The following SYTL2 variants were observed in gnomAD, a reference collection of about 807,000 sequenced individuals.
SYTL2 encodes synaptotagmin-like protein 2.
SYTL2 carries 165 observed loss-of-function variants against 198.7 expected under a neutral mutation model. The ratio of observed to expected loss-of-function variants is 0.83; its 90% CI spans 0.73 to 0.94. The LOEUF is 0.94. SYTL2 is among the 40% of genes least tolerant of loss of function. The pLI is 0.00. For synonymous variants in SYTL2, 966 were observed against 917.7 expected (o/e 1.05, Z -0.95); for missense variants, 2,835 against 2,582.8 (o/e 1.10, Z -2.12).
At position 85,725,779 on chromosome 11, in the gene SYTL2, C is replaced by G; in HGVS notation, c.3579G>C (p.Glu1193Asp). 7.4e-6 allele frequency: 12 copies of G among 1,614,156 alleles called. No homozygotes were observed. The highest frequency in any genetic ancestry group is 1.0e-5 in the Non-Finnish European group (12 of 1,180,006). ...GATGAACTACTGTTTTGTCAACATG[C>G]TCATTAATGATCTTCTCAGGTCCTT... is the stretch of plus-strand genomic sequence containing the variant. ...EVKGPEKIIN[E>D]HVDKTVVHPK... The change falls in exon 8 of 20, where the codon GAG (glutamate) becomes GAC (aspartate). Residue 1193 changes from glutamate to aspartate, a missense_variant. By Grantham distance (45) the Glu-to-Asp change is conservative. Around this residue, in one of 3 missense-constraint regions of SYTL2, gnomAD observed 2,645 missense variants for 2,381.7 expected, o/e 1.11. Coordinates refer to ENST00000359152, the MANE Select transcript of SYTL2 (RefSeq NM_206927.4).
chr11:85,793,708 G>T (rs752039713), intron 1 of SYTL2, among the ~76,000 whole-genome samples: 1 of 152,148 alleles, frequency 6.6e-6, no homozygotes, highest in South Asian at 2.1e-4. Flanking sequence ...AACAGACAAA[G>T]AAATAGGCAT....
chr11:85,734,517 C>G lies in SYTL2; in HGVS notation c.812G>C (p.Arg271Thr), dbSNP rs1363241811. The G allele has an allele frequency of 5.0e-6, 8 of 1,614,084 alleles. No homozygotes were observed. The African/African-American group carries it at 8.0e-5, about 16-fold the overall frequency. The change falls in exon 7 of 20, where the codon AGA becomes ACA. Residue 271 changes from arginine to threonine, a missense_variant. Arg to Thr is a moderately conservative substitution (Grantham distance 71). Transcript: ENST00000359152. ...TDSLKARGAP[R>T]GILKRNSSSS... Reference sequence around the variant, plus strand: ...ACTGGAGTTGCGCTTGAGGATCCCTCTCGGAGCCCCTCTCGCTTTCAGGGA... The same window carrying G: ...ACTGGAGTTGCGCTTGAGGATCCCTGTCGGAGCCCCTCTCGCTTTCAGGGA...
At chr11:85,830,958 A>T in the SYTL2 span, among the ~76,000 whole-genome samples, 1 of 152,194 alleles carries the variant, frequency 6.6e-6, no homozygotes, top group African/African-American at 2.4e-5. Flanking sequence ...CTATATCTCA[A>T]AATTCTTCGC....
Position 85,745,779 on chromosome 11 carries a change from C to T in SYTL2, c.254-7G>A. 2 of 1,607,486 alleles carry T rather than the reference C, an allele frequency of 1.2e-6. No individual in the cohort carries two copies. Among genetic ancestry groups the T allele is most frequent in the Non-Finnish European group, 1.7e-6 (2 of 1,175,514 alleles). ...CTGTCTTTACTCTGCTCAGCTGAAA[C>T]AGGAAACAGTAAAGACAGGAAGGTT... On this transcript the variant is annotated splice_polypyrimidine_tract_variant and splice_region_variant and intron_variant, in intron 3 of 19. Coordinates refer to ENST00000359152, the MANE Select transcript of SYTL2 (RefSeq NM_206927.4).
intron 4 of SYTL2, among the ~76,000 whole-genome samples, chr11:85,738,030 G>A (rs999465307): frequency 6.6e-6 from 1 of 152,174 alleles, no homozygotes; most frequent in African/African-American, 2.4e-5. Flanking sequence ...TGAAGCCTTC[G>A]TGTCCTGTTA....
intron 4 of SYTL2, among the ~76,000 whole-genome samples, chr11:85,743,558 TG>T (rs755249591): frequency 7.2e-5 from 11 of 151,998 alleles, no homozygotes; most frequent in Non-Finnish European, 1.2e-4. Context: ...CACAATGTCC[TG>T]GTGAGGAAAT....
At chr11:85,761,573 CA>C (rs2092097252) in intron 1 of SYTL2, among the ~76,000 whole-genome samples, 1 of 152,152 alleles carries the variant, frequency 6.6e-6, no homozygotes, top group Non-Finnish European at 1.5e-5. Flanking sequence ...GAAAGCCAGA[CA>C]AAAAGGCAGC....
At chr11:85,765,708 G>A (rs946040637) in intron 1 of SYTL2, among the ~76,000 whole-genome samples, 2 of 152,090 alleles carry the variant, frequency 1.3e-5, no homozygotes, top group Admixed American at 6.5e-5. Context: ...AAACTGGCTT[G>A]GTGGTCTCAA....
At chr11:85,753,116 T>C (rs575192358) in intron 2 of SYTL2, among the ~76,000 whole-genome samples, 105 of 152,022 alleles carry the variant, frequency 6.9e-4, no homozygotes, top group Non-Finnish European at 1.3e-3. Flanking sequence ...AGCAATTTCC[T>C]GCTGGCAGTG....
intron 17 of SYTL2, among the ~76,000 whole-genome samples, 161 bp downstream of exon 17, chr11:85,700,354 A>C (rs1344197621): frequency 2.0e-5 from 3 of 151,914 alleles, no homozygotes; most frequent in African/African-American, 4.8e-5. Context: ...ATAACAAAAA[A>C]AGAATTTTCT....
At chr11:85,707,062 A>G (rs777943417) in intron 15 of SYTL2, among the ~76,000 whole-genome samples, 1 of 150,820 alleles carries the variant, frequency 6.6e-6, no homozygotes, top group Non-Finnish European at 1.5e-5. Flanking sequence ...CTGGTCTTGA[A>G]CTCCTGACCT....
intron 5 of SYTL2, 147 bp downstream of exon 5, chr11:85,737,428 T>C (rs924984901): frequency 2.7e-5 from 17 of 639,232 alleles, no homozygotes; most frequent in Non-Finnish European, 3.3e-5. Context: ...CTTAAACTAG[T>C]GACTTCTTAA....
the SYTL2 span, among the ~76,000 whole-genome samples, chr11:85,848,324 A>C: frequency 6.6e-6 from 1 of 151,692 alleles, no homozygotes; most frequent in Non-Finnish European, 1.5e-5. Context: ...AATTTGATGA[A>C]GTTCAAGTTC....
At chr11:85,736,024 T>C (rs1321077357) in intron 6 of SYTL2, among the ~76,000 whole-genome samples, 27 of 152,222 alleles carry the variant, frequency 1.8e-4, no homozygotes, top group Non-Finnish European at 2.9e-5. Flanking sequence ...TAAAATTCCA[T>C]AGCAGGCTGA....
chr11:85,821,666 G>A, the SYTL2 span, among the ~76,000 whole-genome samples: 2 of 152,200 alleles, frequency 1.3e-5, no homozygotes, highest in African/African-American at 4.8e-5. Flanking sequence ...ACGGACTCAG[G>A]GACAGGAGCT....
At chr11:85,742,487 G>C (rs1398526220) in intron 4 of SYTL2, among the ~76,000 whole-genome samples, 2 of 152,104 alleles carry the variant, frequency 1.3e-5, no homozygotes, top group Non-Finnish European at 2.9e-5. Flanking sequence ...TTTCTGTTGT[G>C]GGGGGCACAC....
intron 2 of SYTL2, among the ~76,000 whole-genome samples, chr11:85,749,638 TA>T (rs2091391522): frequency 6.6e-6 from 1 of 152,182 alleles, no homozygotes; most frequent in African/African-American, 2.4e-5. Context: ...GCCCCATCTA[TA>T]AACCCTAACA....
chr11:85,830,205 C>T, the SYTL2 span, among the ~76,000 whole-genome samples: 7 of 152,180 alleles, frequency 4.6e-5, no homozygotes, highest in African/African-American at 1.4e-4. Flanking sequence ...GTGGTGGGCC[C>T]CTATTCATTT....
upstream of SYTL2, among the ~76,000 whole-genome samples, chr11:85,812,433 G>T (rs1305973043): frequency 6.6e-6 from 1 of 152,196 alleles, no homozygotes; most frequent in South Asian, 2.1e-4. Flanking sequence ...TGAGAGCCTG[G>T]TGTGTCCCTG....
Sources: gnomAD v4.1 joint callset for allele counts (sites outside exome capture counted in the v4.1 genomes callset) on GRCh38, gnomAD v4.1.1 for gene constraint, gnomAD v4.1.1 regional missense constraint, MANE v1.5 for transcripts, NCBI Gene and HGNC (gene_info 2026-07-23, HGNC 2026-07-21) for gene names.